Variants in KLHDC3 observed in about 807,000 individuals in gnomAD.
The protein encoded by KLHDC3 is kelch domain-containing protein 3.
Under a neutral mutation model 44.1 loss-of-function variants are expected in KLHDC3, and 5 were observed. The ratio of observed to expected loss-of-function variants is 0.11; its 90% CI spans 0.06 to 0.24. The LOEUF (loss-of-function observed/expected upper bound fraction) is 0.24. Among genes scored for constraint, KLHDC3 ranks in the 10% least tolerant of loss-of-function variants. KLHDC3 has a pLI of 1.00. For missense variants in KLHDC3, 247 were observed against 514.3 expected (o/e 0.48, Z 5.03); for synonymous variants, 170 against 189.0 (o/e 0.90, Z 0.82).
rs766218634 is a variant in KLHDC3, at chr6:43,017,135, T to G, written c.-58T>G. 5.1e-6 allele frequency: 8 copies of G among 1,572,044 alleles called. No individual in the cohort carries two copies. The highest frequency in any genetic ancestry group is 6.9e-6 in the Non-Finnish European group (8 of 1,161,106). ...CCCGTGGCCCCAATTTGTGTGCAGA[T>G]AGCAGAGGCAGCAGGCCGTGCCGGG... On this transcript the variant is annotated splice_region_variant and 5_prime_UTR_variant, in exon 2 of 11. Coordinates refer to ENST00000326974, the MANE Select transcript of KLHDC3 (RefSeq NM_057161.4). The surrounding 1 kb of genome is among the most constrained non-coding windows in gnomAD (Gnocchi z 6.0).
Position 43,017,918 on chromosome 6 carries a change from G to C in KLHDC3, c.397G>C (p.Ala133Pro). 4 of 1,614,124 alleles carry C rather than the reference G, an allele frequency of 2.5e-6. No individual in the cohort carries two copies. The highest frequency in any genetic ancestry group is 3.4e-6 in the Non-Finnish European group (4 of 1,180,016). Reference sequence around the variant, plus strand: ...TCCTGGGGCCCGGGATGGACATTCAGCCTGTGTCCTAGGCAAGATCATGTA... The same window carrying C: ...TCCTGGGGCCCGGGATGGACATTCACCCTGTGTCCTAGGCAAGATCATGTA... ...TVPGARDGHSACVLGKIMYIF... is the reference protein window; with the variant it reads ...TVPGARDGHSPCVLGKIMYIF... The change falls in exon 4 of 11, where the codon GCC (alanine) becomes CCC (proline). Residue 133 changes from alanine (A) to proline (P), a missense_variant. Ala to Pro is a conservative substitution (Grantham distance 27). Transcript: ENST00000326974. The surrounding 1 kb of genome is among the most constrained non-coding windows in gnomAD (Gnocchi z 6.0).
At position 43,021,083 on chromosome 6, in the gene KLHDC3, C is replaced by T. The variant is rs1159727828; in HGVS notation, c.*350C>T. ...AGCAGTGTCTGAGCCTCAGGAGCTTCCCCCTCCCCCTTTGCCTATCCCCTC... is the reference window on the plus strand; with the variant it reads ...AGCAGTGTCTGAGCCTCAGGAGCTTTCCCCTCCCCCTTTGCCTATCCCCTC... On this transcript the variant is annotated 3_prime_UTR_variant, in exon 11 of 11. Coordinates refer to ENST00000326974, the MANE Select transcript of KLHDC3 (RefSeq NM_057161.4). The T allele has an allele frequency of 6.1e-6, 3 of 489,596 alleles. No individual in the cohort carries two copies. The highest frequency in any genetic ancestry group is 1.5e-5 in the South Asian group (1 of 64,884). The allele number at this position is 489,596 out of a possible 1,614,324, so 30.3% of individuals were successfully genotyped here.
In KLHDC3 at chr6:43,018,393, T is replaced by G. The variant is rs752415863; in HGVS notation, c.570T>G (p.Ser190Arg). The stretch of plus-strand genomic sequence containing the variant: ...TCCACTCAGCCACAATGCTGGGAAG[T>G]CACATGTATGTCTTTGGGGGCCGTG... ...RDFHSATMLG[S>R]HMYVFGGRAD... Residue 190 changes from serine (S) to arginine (R), a missense_variant, in exon 6 of 11, where the codon AGT becomes AGG. Around this residue, in one of 2 missense-constraint regions of KLHDC3, gnomAD observed 176 missense variants for 413.5 expected, o/e 0.43. Transcript: ENST00000326974. This position sits in a 1 kb window ranked among gnomAD's most constrained non-coding sequence, Gnocchi z 6.0. 15 of 1,614,130 alleles carry G rather than the reference T, an allele frequency of 9.3e-6. No individual in the cohort carries two copies. The highest frequency in any genetic ancestry group is 1.3e-5 in the Non-Finnish European group (15 of 1,180,030).
Position 43,020,902 on chromosome 6 carries a change from G to GT in KLHDC3, c.*170dup. ...GAATTCAGTGGGGAGCTGTAGCGGGGTGGGGGCTAGGTTCCTCCCCCCTTG... is the reference window on the plus strand; with the variant it reads ...GAATTCAGTGGGGAGCTGTAGCGGGGTTGGGGGCTAGGTTCCTCCCCCCTTG... On this transcript the variant is annotated 3_prime_UTR_variant, in exon 11 of 11. Transcript: ENST00000326974. 1.5e-6 allele frequency: 1 copy of GT among 682,942 alleles called. No homozygotes were observed. Among genetic ancestry groups the GT allele is most frequent in the East Asian group, 2.8e-5 (1 of 36,246 alleles). 42.3% of individuals were successfully genotyped at this position (682,942 alleles called of 1,614,324 possible).
chr6:43,018,872 C>T lies in KLHDC3; in HGVS notation c.830C>T (p.Thr277Ile). The change falls in exon 8 of 11, where the codon ACC (threonine) becomes ATC (isoleucine). Residue 277 changes from threonine to isoleucine, a missense_variant. This residue lies in a region of KLHDC3 where 176 missense variants were observed against 413.5 expected (regional missense o/e 0.43). Transcript: ENST00000326974. The surrounding 1 kb of genome is among the most constrained non-coding windows in gnomAD (Gnocchi z 6.0). ...ATAAATTTCTCTTCAGTGTCCTTTACCTGGAAAAAGATTGAACCGAAGGGG... is the reference window on the plus strand; with the variant it reads ...ATAAATTTCTCTTCAGTGTCCTTTATCTGGAAAAAGATTGAACCGAAGGGG... The part of the protein sequence containing the change: ...DLWKFNPVSF[T>I]WKKIEPKGKG... 6.2e-7 allele frequency: 1 copy of T among 1,609,342 alleles called. No homozygotes were observed. The highest frequency in any genetic ancestry group is 8.5e-7 in the Non-Finnish European group (1 of 1,177,352).
chr6:43,015,927 T>C (rs905346914), intron 1 of KLHDC3, among the ~76,000 whole-genome samples: 1 of 151,904 alleles, frequency 6.6e-6, no homozygotes, highest in African/African-American at 2.4e-5. Flanking sequence ...GGGCATTTTT[T>C]GCCTCCCTTC....
Position 43,017,319 on chromosome 6 carries a change from C to A in KLHDC3, c.127C>A (p.Gln43Lys). The A allele has an allele frequency of 6.2e-7, 1 of 1,613,922 alleles. No homozygotes were observed. Among genetic ancestry groups the A allele is most frequent in the Admixed American group, 1.7e-5 (1 of 59,994 alleles). Residue 43 changes from glutamine (Q) to lysine (K), a missense_variant, in exon 2 of 11, where the codon CAG (glutamine) becomes AAG (lysine). Coordinates refer to ENST00000326974, the MANE Select transcript of KLHDC3 (RefSeq NM_057161.4). The surrounding 1 kb of genome is among the most constrained non-coding windows in gnomAD (Gnocchi z 6.0). Reference protein sequence around the residue: ...CSGEDYETLRQIDVHIFNAVS... With the variant: ...CSGEDYETLRKIDVHIFNAVS... ...TGGTGAAGACTATGAGACACTGCGT[C>A]AGATAGATGTGCACATTTTCAATGC...
intron 1 of KLHDC3, among the ~76,000 whole-genome samples, chr6:43,016,124 C>T (rs1363584946): frequency 3.3e-5 from 5 of 152,036 alleles, no homozygotes; most frequent in South Asian, 2.1e-4. Flanking sequence ...TTAGTAGAGA[C>T]GGGTTTCACC....
intron 1 of KLHDC3, 27 bp downstream of exon 1, chr6:43,014,375 G>A (rs1417576984): frequency 1.6e-6 from 1 of 624,892 alleles, no homozygotes; most frequent in South Asian, 1.7e-5. Flanking sequence ...AGAAGGGCAA[G>A]GGAGAATTAG....
Position 43,020,770 on chromosome 6 carries a change from G to A in KLHDC3, c.*37G>A, listed in dbSNP as rs747593069. ...TGCCACCTCCCCTCCTGAGCCTGCT[G>A]TCATCTTCACTGCCCCTGCCCATCT... is the stretch of plus-strand genomic sequence containing the variant. On this transcript the variant is annotated 3_prime_UTR_variant, in exon 11 of 11. Transcript: ENST00000326974. 4 of 1,530,334 alleles carry A rather than the reference G, an allele frequency of 2.6e-6. No homozygotes were observed. The highest frequency in any genetic ancestry group is 1.8e-6 in the Non-Finnish European group (2 of 1,103,722). The allele number at this position is 1,530,334 out of a possible 1,614,324, so 94.8% of individuals were successfully genotyped here.
intron 10 of KLHDC3, among the ~76,000 whole-genome samples, chr6:43,020,107 CG>C (rs1380257720): frequency 5.3e-5 from 8 of 151,914 alleles, no homozygotes; most frequent in African/African-American, 1.9e-4. Flanking sequence ...ACCCGGGAGG[CG>C]GGGGTTTCAG....
At chr6:43,020,177 C>CA (rs1019488290) in intron 10 of KLHDC3, among the ~76,000 whole-genome samples, 133 of 148,656 alleles carry the variant, frequency 8.9e-4, no homozygotes, top group East Asian at 5.7e-3. Flanking sequence ...GAACAAGACT[C>CA]AAAAAAAAAA....
rs776092183 is a variant in KLHDC3 at position 43,017,361 on chromosome 6, G to C, written c.154+15G>C. On this transcript the variant is annotated intron_variant, in intron 2 of 10. Coordinates refer to ENST00000326974, the MANE Select transcript of KLHDC3 (RefSeq NM_057161.4). This position sits in a 1 kb window ranked among gnomAD's most constrained non-coding sequence, Gnocchi z 6.0. ...TTTCAATGCAGGTAAGCCAATGCTGGGGCTGTCCCTGGGTCCCCACATCAG... is the reference window on the plus strand; with the variant it reads ...TTTCAATGCAGGTAAGCCAATGCTGCGGCTGTCCCTGGGTCCCCACATCAG... 2 of 1,606,296 alleles carry C rather than the reference G, an allele frequency of 1.2e-6. No individual in the cohort carries two copies. Among genetic ancestry groups the C allele is most frequent in the South Asian group, 2.2e-5 (2 of 90,264 alleles).
chr6:43,016,943 C>T, intron 1 of KLHDC3, 191 bp from the exon 2 acceptor site: 1 of 535,054 alleles, frequency 1.9e-6, no homozygotes, highest in East Asian at 3.1e-5. Flanking sequence ...TGGGCCCAGG[C>T]TGCTCCCTGA....
chr6:43,014,283 G>A lies in KLHDC3; in HGVS notation c.-125G>A, dbSNP rs1762500886. ...GTTGGGGACTAAGGCGTCGGTTGGC[G>A]CGCAACGGGTTCTAGGCTGCAGGCA... On this transcript the variant is annotated 5_prime_UTR_variant, in exon 1 of 11. Transcript: ENST00000326974. 1 of 772,518 alleles carries A rather than the reference G, an allele frequency of 1.3e-6. No individual in the cohort carries two copies. Among genetic ancestry groups the A allele is most frequent in the Non-Finnish European group, 2.0e-6 (1 of 497,486 alleles). The allele number at this position is 772,518 out of a possible 1,614,324, so 47.9% of individuals were successfully genotyped here. A position where few individuals can be genotyped will look rare whatever the true frequency, so the allele number is the denominator to read the frequency against.
rs1161952337 is a variant in KLHDC3, at chr6:43,017,087, G to T, written c.-59-47G>T. The T allele has an allele frequency of 1.3e-5, 18 of 1,348,980 alleles. No homozygotes were observed. Among genetic ancestry groups the T allele is most frequent in the Admixed American group, 9.3e-5 (5 of 53,880 alleles). 83.6% of individuals were successfully genotyped at this position (1,348,980 alleles called of 1,614,324 possible). A position where few individuals can be genotyped will look rare whatever the true frequency, so the allele number is the denominator to read the frequency against. Reference sequence around the variant, plus strand: ...GTTCTGGGCAGAGTCACAGTGAGCTGGGCAGAAGCCTCGCCTGAGGATCCC... The same window carrying T: ...GTTCTGGGCAGAGTCACAGTGAGCTTGGCAGAAGCCTCGCCTGAGGATCCC... On this transcript the variant is annotated intron_variant, in intron 1 of 10. Coordinates refer to ENST00000326974, the MANE Select transcript of KLHDC3 (RefSeq NM_057161.4). The surrounding 1 kb of genome is among the most constrained non-coding windows in gnomAD (Gnocchi z 6.0).
In KLHDC3 at chr6:43,021,077, G is replaced by A; in HGVS notation, c.*344G>A. 2 of 496,376 alleles carry A rather than the reference G, an allele frequency of 4.0e-6. No homozygotes were observed. The highest frequency in any genetic ancestry group is 7.9e-6 in the Non-Finnish European group (2 of 253,606). 30.7% of individuals were successfully genotyped at this position (496,376 alleles called of 1,614,324 possible). ...GAAGCAAGCAGTGTCTGAGCCTCAGGAGCTTCCCCCTCCCCCTTTGCCTAT... is the reference window on the plus strand; with the variant it reads ...GAAGCAAGCAGTGTCTGAGCCTCAGAAGCTTCCCCCTCCCCCTTTGCCTAT... On this transcript the variant is annotated 3_prime_UTR_variant, in exon 11 of 11. Transcript: ENST00000326974.
Position 43,017,017 on chromosome 6 carries a change from G to A in KLHDC3, c.-59-117G>A, listed in dbSNP as rs1374022707. The A allele has an allele frequency of 2.8e-6, 2 of 709,386 alleles. No homozygotes were observed. Among genetic ancestry groups the A allele is most frequent in the Non-Finnish European group, 4.8e-6 (2 of 418,254 alleles). 43.9% of individuals were successfully genotyped at this position (709,386 alleles called of 1,614,324 possible). ...CTGAGACTAGTGCCCCTGTGGAGGG[G>A]TAGTGTGGGAGGGCCCCCAGGGTGA... On this transcript the variant is annotated intron_variant, in intron 1 of 10. Transcript: ENST00000326974. The surrounding 1 kb of genome is among the most constrained non-coding windows in gnomAD (Gnocchi z 6.0).
chr6:43,019,755 A>T (rs1004138131), intron 10 of KLHDC3, among the ~76,000 whole-genome samples: 3 of 152,218 alleles, frequency 2.0e-5, no homozygotes, highest in Non-Finnish European at 4.4e-5. Flanking sequence ...CTTAGGTTCC[A>T]ATTAACCACC....
Sources: gnomAD v4.1 joint callset for allele counts (sites outside exome capture counted in the v4.1 genomes callset) on GRCh38, gnomAD v4.1.1 for gene constraint, gnomAD v4.1.1 regional missense constraint, Gnocchi (gnomAD v3.1) non-coding constraint, MANE v1.5 for transcripts, NCBI Gene and HGNC (gene_info 2026-07-23, HGNC 2026-07-21) for gene names.